CORIN: variants seen among roughly 807,000 people sequenced by gnomAD.
CORIN encodes corin, serine peptidase.
A neutral mutation model predicts 125.3 loss-of-function variants in CORIN; 117 were observed. That is an observed-to-expected ratio of 0.93 (90% CI 0.80 to 1.09). The LOEUF (loss-of-function observed/expected upper bound fraction) is 1.09, where lower values mean the gene tolerates loss of function less well. Ranked by LOEUF, CORIN falls within the 50% of genes least tolerant of loss-of-function variation. The pLI is 0.00. For missense variants in CORIN, 1,253 were observed against 1,306.7 expected (o/e 0.96, Z 0.63); for synonymous variants, 450 against 466.4 (o/e 0.96, Z 0.45).
rs748953669 is a variant in CORIN, at chr4:47,603,579, G to C, written c.2630C>G (p.Thr877Ser). 3.1e-6 allele frequency: 5 copies of C among 1,614,030 alleles called. No individual in the cohort carries two copies. The African/African-American group carries it at 6.7e-5, about 22-fold the overall frequency. The change falls in exon 20 of 22, where the codon ACC becomes AGC. Residue 877 changes from threonine to serine, a missense_variant. Physicochemically the swap from Thr to Ser is moderately conservative, Grantham distance 58. Transcript: ENST00000273857. The part of the protein sequence containing the change: ...SVFMQTRFVK[T>S]IILHPRYSRA... ...ACTGTAGCGGGGATGCAGGATGATGGTCTTCACAAAGCGTGTCTGCATGAA... is the reference window on the plus strand; with the variant it reads ...ACTGTAGCGGGGATGCAGGATGATGCTCTTCACAAAGCGTGTCTGCATGAA...
At chr4:47,819,777 C>T (rs948860104) in intron 1 of CORIN, among the ~76,000 whole-genome samples, 11 of 152,170 alleles carry the variant, frequency 7.2e-5, no homozygotes, top group Admixed American at 6.5e-5. Context: ...CTTCTACCTC[C>T]AAATTCTACC....
chr4:47,594,272 T>G lies in CORIN; in HGVS notation c.*1449A>C, dbSNP rs1304272709. The G allele has an allele frequency of 6.6e-6, 1 of 152,524 alleles. No individual in the cohort carries two copies. Among genetic ancestry groups the G allele is most frequent in the African/African-American group, 2.4e-5 (1 of 41,430 alleles). The allele number at this position is 152,524 out of a possible 1,614,324, so 9.4% of individuals were successfully genotyped here. On this transcript the variant is annotated 3_prime_UTR_variant, in exon 22 of 22. Coordinates refer to ENST00000273857, the MANE Select transcript of CORIN (RefSeq NM_006587.4). ...CAACTTTTTGAATTTCAACTATGTT[T>G]ACACACAGAAAAGATACAAAAATAC...
chr4:47,751,052 G>A (rs568387496), intron 4 of CORIN, among the ~76,000 whole-genome samples: 7 of 152,322 alleles, frequency 4.6e-5, no homozygotes, highest in Admixed American at 2.0e-4. Context: ...TAATGGTTTT[G>A]TTGTTGGTTT....
chr4:47,657,606 T>C (rs552275483), intron 12 of CORIN, among the ~76,000 whole-genome samples: 1 of 151,442 alleles, frequency 6.6e-6, no homozygotes, highest in South Asian at 2.1e-4. Flanking sequence ...ATTTGGCTCA[T>C]GGTTCTGCAG....
At chr4:47,637,660 C>G (rs1172761183) in intron 16 of CORIN, among the ~76,000 whole-genome samples, 1 of 152,184 alleles carries the variant, frequency 6.6e-6, no homozygotes, top group East Asian at 1.9e-4. Context: ...GCACAGAAGT[C>G]AGGAATTGGG....
intron 1 of CORIN, among the ~76,000 whole-genome samples, chr4:47,819,883 G>T (rs1374641604): frequency 6.6e-6 from 1 of 152,172 alleles, no homozygotes; most frequent in Non-Finnish European, 1.5e-5. Context: ...CCAGTTCTAA[G>T]AGGTTTTCAT....
chr4:47,656,450 C>T (rs1170922887), intron 12 of CORIN, among the ~76,000 whole-genome samples: 2 of 152,078 alleles, frequency 1.3e-5, no homozygotes, highest in Non-Finnish European at 2.9e-5. Context: ...GCCACCGCTC[C>T]CGGTGACCAT....
intron 6 of CORIN, among the ~76,000 whole-genome samples, chr4:47,692,333 A>G (rs1312509328): frequency 6.6e-6 from 1 of 152,212 alleles, no homozygotes; most frequent in African/African-American, 2.4e-5. Flanking sequence ...AGCTTTGTTT[A>G]TTACAATGTA....
At chr4:47,670,523 G>C (rs1031387745) in intron 10 of CORIN, among the ~76,000 whole-genome samples, 3 of 152,254 alleles carry the variant, frequency 2.0e-5, no homozygotes, top group African/African-American at 4.8e-5. Context: ...TATTCAAAAA[G>C]CAAACCTGTT....
chr4:47,829,083 G>A (rs1158409449), intron 1 of CORIN, among the ~76,000 whole-genome samples: 16 of 148,986 alleles, frequency 1.1e-4, no homozygotes, highest in South Asian at 2.1e-4. Flanking sequence ...GCGTGAACCC[G>A]GGAGGCGGAG....
At chr4:47,806,849 A>T in intron 2 of CORIN, 54 bp downstream of exon 2, 1 of 1,546,504 alleles carries the variant, frequency 6.5e-7, no homozygotes, top group Non-Finnish European at 8.7e-7. Flanking sequence ...ACTCTTCTAG[A>T]TCATGCTAAT....
chr4:47,740,326 T>C (rs1277957414), intron 5 of CORIN, among the ~76,000 whole-genome samples: 1 of 151,932 alleles, frequency 6.6e-6, no homozygotes, highest in Non-Finnish European at 1.5e-5. Context: ...AGTCTTGTAT[T>C]TCCCTTTTAA....
At chr4:47,611,681 G>A (rs781437274) in intron 19 of CORIN, among the ~76,000 whole-genome samples, 4 of 152,174 alleles carry the variant, frequency 2.6e-5, no homozygotes, top group Admixed American at 2.0e-4. Flanking sequence ...TGGTTTCCAA[G>A]GGGAATGCTT....
chr4:47,832,501 C>G (rs1733096105), intron 1 of CORIN, among the ~76,000 whole-genome samples: 2 of 138,770 alleles, frequency 1.4e-5, no homozygotes, highest in African/African-American at 5.4e-5. Flanking sequence ...CCGGAGTGCA[C>G]TGGGATGATC....
intron 5 of CORIN, among the ~76,000 whole-genome samples, chr4:47,732,943 T>C (rs1328651533): frequency 1.3e-5 from 2 of 152,132 alleles, no homozygotes; most frequent in African/African-American, 4.8e-5. Context: ...CTCTCCCAAA[T>C]GTACCATGGC....
intron 5 of CORIN, among the ~76,000 whole-genome samples, chr4:47,742,175 T>C (rs2109833567): frequency 6.6e-6 from 1 of 151,960 alleles, no homozygotes; most frequent in East Asian, 1.9e-4. Flanking sequence ...CCATTCAGGA[T>C]TTTTTAAAAA....
At chr4:47,685,971 G>A (rs923601906) in intron 6 of CORIN, among the ~76,000 whole-genome samples, 6 of 149,572 alleles carry the variant, frequency 4.0e-5, no homozygotes, top group African/African-American at 1.2e-4. Context: ...TCAATCTCCT[G>A]AATTCCAGCT....
intron 3 of CORIN, among the ~76,000 whole-genome samples, chr4:47,764,605 T>G (rs1167253175): frequency 6.6e-6 from 1 of 152,174 alleles, no homozygotes; most frequent in Non-Finnish European, 1.5e-5. Flanking sequence ...AACTCAATTT[T>G]TAGAAGGCTA....
At chr4:47,596,496 C>T (rs1249915241) in intron 21 of CORIN, among the ~76,000 whole-genome samples, 1 of 152,028 alleles carries the variant, frequency 6.6e-6, no homozygotes, top group Non-Finnish European at 1.5e-5. Flanking sequence ...CATTAATAGC[C>T]TGTATTTTAT....
Sources: gnomAD v4.1 joint callset for allele counts (sites outside exome capture counted in the v4.1 genomes callset) on GRCh38, gnomAD v4.1.1 for gene constraint, MANE v1.5 for transcripts, NCBI Gene and HGNC (gene_info 2026-07-23, HGNC 2026-07-21) for gene names.